Variants in EPHA4 observed in about 807,000 individuals in gnomAD.
EPHA4 encodes ephrin type-A receptor 4.
Under a neutral mutation model 108.3 loss-of-function variants are expected in EPHA4, and 19 were observed. That is an observed-to-expected ratio of 0.18 (90% CI 0.12 to 0.26). The LOEUF (loss-of-function observed/expected upper bound fraction) is 0.26. EPHA4 is among the 10% of genes least tolerant of loss of function. The pLI is 1.00. For synonymous variants in EPHA4, 449 were observed against 455.5 expected, an observed-to-expected ratio of 0.99 and a Z score of 0.18; for missense variants, 917 against 1,254.0, an observed-to-expected ratio of 0.73 and a Z score of 4.06.
intron 11 of EPHA4, among the ~76,000 whole-genome samples, chr2:221,438,992 G>A (rs1220196774): frequency 1.3e-5 from 2 of 152,156 alleles, no homozygotes; most frequent in Non-Finnish European, 2.9e-5. Context: ...AGGGGCAAAA[G>A]TGTTGAAGAG....
intron 3 of EPHA4, among the ~76,000 whole-genome samples, chr2:221,527,950 A>G (rs770331401): frequency 4.6e-5 from 7 of 152,134 alleles, no homozygotes; most frequent in Non-Finnish European, 8.8e-5. Flanking sequence ...ATGAGCAGAG[A>G]CAAAGACATT....
intron 3 of EPHA4, among the ~76,000 whole-genome samples, chr2:221,541,071 T>C (rs1011742020): frequency 1.3e-5 from 2 of 151,746 alleles, no homozygotes; most frequent in Non-Finnish European, 2.9e-5. Context: ...CTCAGCCTCC[T>C]GAGTAGCTGG....
upstream of EPHA4, chr2:221,573,519 C>T (rs2106218951): frequency 1.3e-5 from 2 of 152,634 alleles, no homozygotes; most frequent in East Asian, 3.9e-4. This position sits in a 1 kb window ranked among gnomAD's most constrained non-coding sequence, Gnocchi z 4.5. Flanking sequence ...CTGGCAGGGG[C>T]ACTGATTCCT....
At chr2:221,565,455 G>A (rs1694601368) in intron 2 of EPHA4, among the ~76,000 whole-genome samples, 1 of 152,136 alleles carries the variant, frequency 6.6e-6, no homozygotes, top group Non-Finnish European at 1.5e-5. Flanking sequence ...ATCAGCTTAA[G>A]TATTTAACAA....
At chr2:221,484,439 C>A (rs771433100) in intron 4 of EPHA4, among the ~76,000 whole-genome samples, 1 of 152,160 alleles carries the variant, frequency 6.6e-6, no homozygotes. Context: ...AAGATCAGCT[C>A]CCCATCCTGT....
intron 3 of EPHA4, among the ~76,000 whole-genome samples, chr2:221,537,693 G>A (rs1004937338): frequency 6.6e-6 from 1 of 152,214 alleles, no homozygotes; most frequent in Non-Finnish European, 1.5e-5. Flanking sequence ...AGGAGGCTGA[G>A]GCCGGAGGAT....
chr2:221,475,372 T>A (rs1425884817), intron 5 of EPHA4, among the ~76,000 whole-genome samples: 1 of 152,110 alleles, frequency 6.6e-6, no homozygotes, highest in Non-Finnish European at 1.5e-5. Flanking sequence ...TTTTAGTTAA[T>A]TTTTTTTCTG....
intron 3 of EPHA4, among the ~76,000 whole-genome samples, chr2:221,540,570 G>A (rs1417997068): frequency 6.6e-6 from 1 of 152,154 alleles, no homozygotes. Flanking sequence ...TGGGAACATA[G>A]TAAGAAACTT....
intron 15 of EPHA4, among the ~76,000 whole-genome samples, chr2:221,426,932 C>G (rs1689929658): frequency 6.6e-6 from 1 of 152,178 alleles, no homozygotes; most frequent in Admixed American, 6.5e-5. Flanking sequence ...GGAGAGCCCT[C>G]ATGGCCGAAA....
rs1441165204 is a variant in EPHA4, at chr2:221,454,860, G to A, written c.1715+687C>T. Among the ~76,000 whole-genome samples, 8 of 152,308 alleles carry A rather than the reference G, an allele frequency of 5.3e-5. 1 individual carries two copies. The highest frequency in any genetic ancestry group is 6.8e-3 in the Middle Eastern group (2 of 294). On this transcript the variant is annotated intron_variant, in intron 8 of 17. Coordinates refer to ENST00000281821, the MANE Select transcript of EPHA4 (RefSeq NM_004438.5). ...TAAGTACTTAGAGGATAAGGGCTCA[G>A]ATGTTTCAGGTTCATTTCCAAGACA...
intron 3 of EPHA4, among the ~76,000 whole-genome samples, chr2:221,560,827 C>T (rs1167761885): frequency 8.5e-5 from 13 of 152,192 alleles, no homozygotes; most frequent in Non-Finnish European, 1.9e-4. Context: ...TACATCTTTC[C>T]TCGTCTCTAT....
chr2:221,493,288 T>G (rs908880602), intron 4 of EPHA4, among the ~76,000 whole-genome samples: 5 of 152,168 alleles, frequency 3.3e-5, no homozygotes, highest in African/African-American at 1.2e-4. Flanking sequence ...CTATGGTTTA[T>G]ACATCAAAGC....
At chr2:221,561,328 A>G (rs914790356) in intron 3 of EPHA4, among the ~76,000 whole-genome samples, 1 of 152,198 alleles carries the variant, frequency 6.6e-6, no homozygotes, top group African/African-American at 2.4e-5. Context: ...ACCTAACTAC[A>G]TCAGAAATTT....
chr2:221,569,553 G>A (rs2106214629), intron 1 of EPHA4: 1 of 152,322 alleles, frequency 6.6e-6, no homozygotes, highest in South Asian at 2.1e-4. Context: ...TTGGGGGGAA[G>A]GGAGGACAGC....
At chr2:221,470,480 G>A (rs1469240023) in intron 5 of EPHA4, among the ~76,000 whole-genome samples, 1 of 151,856 alleles carries the variant, frequency 6.6e-6, no homozygotes, top group African/African-American at 2.4e-5. Context: ...AAAATATTCT[G>A]AGGACAATAT....
At chr2:221,492,611 G>A (rs1418457192) in intron 4 of EPHA4, among the ~76,000 whole-genome samples, 1 of 152,136 alleles carries the variant, frequency 6.6e-6, no homozygotes, top group African/African-American at 2.4e-5. Flanking sequence ...AATCCGAAAG[G>A]AAGAAACAAA....
At chr2:221,436,048 G>C (rs1462402507) in intron 13 of EPHA4, among the ~76,000 whole-genome samples, 1 of 151,584 alleles carries the variant, frequency 6.6e-6, no homozygotes, top group African/African-American at 2.4e-5. Flanking sequence ...ATCATTTGTT[G>C]TGTAAACTGA....
Position 221,430,004 on chromosome 2 carries a change from T to G in EPHA4, c.2644A>C (p.Ile882Leu). 2 of 1,614,024 alleles carry G rather than the reference T, an allele frequency of 1.2e-6. No individual in the cohort carries two copies. The highest frequency in any genetic ancestry group is 1.1e-5 in the South Asian group (1 of 91,040). The change falls in exon 15 of 18, where the codon ATC (isoleucine) becomes CTC (leucine). Residue 882 changes from isoleucine to leucine, a missense_variant. Physicochemically the swap from Ile to Leu is conservative, Grantham distance 5. Around this residue, in one of 3 missense-constraint regions of EPHA4, gnomAD observed 133 missense variants for 132.8 expected, o/e 1.00. Transcript: ENST00000281821. ...CTCTTCAAGCTGTTGGGGTTGCGGA[T>G]GAGTTTGTCCAACATGTTGACAATC... ...GQIVNMLDKL[I>L]RNPNSLKRTG...
At chr2:221,492,598 G>A (rs1484388582) in intron 4 of EPHA4, among the ~76,000 whole-genome samples, 4 of 152,146 alleles carry the variant, frequency 2.6e-5, no homozygotes, top group African/African-American at 9.7e-5. Context: ...AATGCTGAAA[G>A]GCAATCCGAA....
Sources: allele counts gnomAD v4.1 joint callset (sites outside exome capture counted in the v4.1 genomes callset), GRCh38; gene constraint gnomAD v4.1.1; regional missense constraint gnomAD v4.1.1; non-coding constraint Gnocchi (gnomAD v3.1); transcripts MANE v1.5; gene names NCBI Gene and HGNC (gene_info 2026-07-23, HGNC 2026-07-21).